Variants in EYS observed in about 807,000 individuals in gnomAD.
EYS encodes EGF-like photoreceptor maintenance factor.
In EYS, 250 loss-of-function variants were observed where a neutral mutation model predicts 282.1. That is an observed-to-expected ratio of 0.89 (90% confidence interval 0.80 to 0.98). EYS has a LOEUF of 0.98. Ranked by LOEUF, EYS falls within the 50% of genes least tolerant of loss-of-function variation. EYS has a pLI of 0.00. For missense variants in EYS, 4,016 were observed against 3,709.0 expected, an observed-to-expected ratio of 1.08 and a Z score of -2.15; for synonymous variants, 1,355 against 1,282.9, an observed-to-expected ratio of 1.06 and a Z score of -1.20.
intron 2 of EYS, among the ~76,000 whole-genome samples, chr6:65,609,135 A>G (rs1031213356): frequency 3.3e-5 from 5 of 152,058 alleles, no homozygotes; most frequent in African/African-American, 1.2e-4. Context: ...TATGACTGGC[A>G]GAGCAGTAGG....
At chr6:64,747,927 T>A (rs1423365590) in intron 22 of EYS, among the ~76,000 whole-genome samples, 1 of 152,232 alleles carries the variant, frequency 6.6e-6, no homozygotes, top group East Asian at 1.9e-4. Context: ...TGTTTTTATG[T>A]CTGCTGATGA....
At chr6:65,411,943 G>A (rs1695423003) in intron 5 of EYS, among the ~76,000 whole-genome samples, 3 of 151,572 alleles carry the variant, frequency 2.0e-5, no homozygotes, top group South Asian at 4.2e-4. Context: ...AAATTGCTAG[G>A]GACTGAAAAT....
chr6:64,950,792 C>CATATATATATATATAT lies in EYS; in HGVS notation c.2260-4879_2260-4878insATATATATATATATAT, dbSNP rs762177788. On this transcript the variant is annotated intron_variant, in intron 14 of 42. Coordinates refer to ENST00000503581, the MANE Select transcript of EYS (RefSeq NM_001142800.2). ...TGAATAAAAAATATATACACATATA[C>CATATATATATATATAT]ATATACATATATATATATATATATA... Among the ~76,000 whole-genome samples, 91 of 60,848 alleles carry CATATATATATATATAT rather than the reference C, an allele frequency of 1.5e-3. 4 individuals are homozygous for CATATATATATATATAT. The highest frequency in any genetic ancestry group is 2.2e-3 in the East Asian group (5 of 2,238). 39.9% of individuals were successfully genotyped at this position (60,848 alleles called of 152,430 possible). A position where few individuals can be genotyped will look rare whatever the true frequency, so the allele number is the denominator to read the frequency against.
chr6:65,689,947 G>A (rs887918278), intron 1 of EYS, among the ~76,000 whole-genome samples: 15 of 149,698 alleles, frequency 1.0e-4, no homozygotes, highest in East Asian at 2.3e-4. Context: ...TTCTGGTCCC[G>A]CAGTACCAAC....
chr6:65,370,424 T>TAA (rs36003353), intron 8 of EYS, among the ~76,000 whole-genome samples: 139 of 146,052 alleles, frequency 9.5e-4, no homozygotes, highest in African/African-American at 3.0e-3. Context: ...TCACACTAAT[T>TAA]AAAAAAAAAA....
At chr6:64,489,923 C>A (rs1050831075) in intron 26 of EYS, among the ~76,000 whole-genome samples, 1 of 150,672 alleles carries the variant, frequency 6.6e-6, no homozygotes, top group Non-Finnish European at 1.5e-5. Context: ...CATGAAGAGG[C>A]CTCACAAATG....
chr6:65,179,277 C>A (rs1480915464), intron 12 of EYS, among the ~76,000 whole-genome samples: 2 of 151,762 alleles, frequency 1.3e-5, no homozygotes, highest in African/African-American at 4.8e-5. Flanking sequence ...AATCCAGGAG[C>A]TGGTTTTTTG....
chr6:65,320,120 A>G (rs1319513787), intron 11 of EYS, among the ~76,000 whole-genome samples: 4 of 152,154 alleles, frequency 2.6e-5, no homozygotes, highest in African/African-American at 9.6e-5. Context: ...TAGCGAGTTT[A>G]AGTGGAGCTG....
At chr6:64,727,636 A>G (rs181022653) in intron 22 of EYS, among the ~76,000 whole-genome samples, 2 of 152,336 alleles carry the variant, frequency 1.3e-5, no homozygotes, top group Non-Finnish European at 1.5e-5. Flanking sequence ...TTAAATAGTG[A>G]AAAGTAAAGG....
At chr6:65,553,048 T>C (rs773170853) in intron 2 of EYS, among the ~76,000 whole-genome samples, 14 of 152,176 alleles carry the variant, frequency 9.2e-5, no homozygotes, top group Admixed American at 4.6e-4. Context: ...CTCACCTGAA[T>C]TTATATGATG....
At chr6:65,267,778 C>T (rs1767797412) in intron 12 of EYS, among the ~76,000 whole-genome samples, 1 of 151,772 alleles carries the variant, frequency 6.6e-6, no homozygotes, top group Non-Finnish European at 1.5e-5. Flanking sequence ...AACAAACAAA[C>T]AAACAAACAA....
At chr6:64,549,240 C>A (rs988008865) in intron 26 of EYS, among the ~76,000 whole-genome samples, 1 of 152,168 alleles carries the variant, frequency 6.6e-6, no homozygotes, top group African/African-American at 2.4e-5. Context: ...CTTCACTCTG[C>A]CTCACCGTAT....
At chr6:65,269,086 G>A (rs2150264362) in intron 12 of EYS, among the ~76,000 whole-genome samples, 1 of 151,906 alleles carries the variant, frequency 6.6e-6, no homozygotes, top group South Asian at 2.1e-4. Flanking sequence ...ATTTTTTCTT[G>A]ACTCTAGGCT....
chr6:63,883,730 A>G (rs1773191912), intron 35 of EYS, among the ~76,000 whole-genome samples: 1 of 152,138 alleles, frequency 6.6e-6, no homozygotes, highest in African/African-American at 2.4e-5. Flanking sequence ...GGGAATTCGA[A>G]GCTATGGTTC....
chr6:64,697,614 C>T (rs1770627287), intron 22 of EYS, among the ~76,000 whole-genome samples: 1 of 152,074 alleles, frequency 6.6e-6, no homozygotes, highest in South Asian at 2.1e-4. Context: ...GAATATTCTC[C>T]AAGAGAGGCC....
chr6:65,480,918 T>A (rs907251175), intron 5 of EYS, among the ~76,000 whole-genome samples: 1 of 152,042 alleles, frequency 6.6e-6, no homozygotes, highest in Non-Finnish European at 1.5e-5. Context: ...TTTGAGCTCA[T>A]GGAAGTAGTG....
chr6:64,719,841 C>T (rs1771515755), intron 22 of EYS, among the ~76,000 whole-genome samples: 1 of 152,112 alleles, frequency 6.6e-6, no homozygotes, highest in Non-Finnish European at 1.5e-5. Flanking sequence ...GTGGAGGCTG[C>T]AGTGAGCCGA....
chr6:65,284,932 TA>T (rs141754610), intron 12 of EYS, among the ~76,000 whole-genome samples: 3,727 of 152,124 alleles, frequency 0.024, 130 homozygotes, highest in African/African-American at 0.082. Context: ...TGTAATGAAA[TA>T]AAAACACTAA....
At chr6:63,984,339 G>T (rs932205470) in intron 35 of EYS, 44 bp downstream of exon 35, 10 of 1,323,312 alleles carry the variant, frequency 7.6e-6, no homozygotes, top group Non-Finnish European at 9.6e-6. Flanking sequence ...TTAAGAATTT[G>T]GAGTCATGTA....
Sources: gnomAD v4.1 joint callset for allele counts (sites outside exome capture counted in the v4.1 genomes callset) on GRCh38, gnomAD v4.1.1 for gene constraint, MANE v1.5 for transcripts, NCBI Gene and HGNC (gene_info 2026-07-23, HGNC 2026-07-21) for gene names.